ZFHX2: variants seen among roughly 807,000 people sequenced by gnomAD.
The protein encoded by ZFHX2 is zinc finger homeobox 2, also known as zinc finger homeobox protein 2.
Under a neutral mutation model 164.8 loss-of-function variants are expected in ZFHX2, and 75 were observed. That is an observed-to-expected ratio of 0.46 (90% CI 0.38 to 0.55). The LOEUF (loss-of-function observed/expected upper bound fraction) is 0.55, where lower values mean the gene tolerates loss of function less well. ZFHX2 is among the 20% of genes least tolerant of loss of function. The probability of loss-of-function intolerance (pLI) is 0.00; values close to 1 mark genes in which losing one functional copy is unlikely to be tolerated. For synonymous variants in ZFHX2, 1,217 were observed against 1,351.4 expected (o/e 0.90, Z 2.18); for missense variants, 2,933 against 3,308.0 (o/e 0.89, Z 2.78).
chr14:23,538,347 T>G (rs1880418634), intron 1 of ZFHX2, among the ~76,000 whole-genome samples: 1 of 147,494 alleles, frequency 6.8e-6, no homozygotes, highest in South Asian at 2.3e-4. Context: ...CCCTTTCTTC[T>G]CGGAGCTTCT....
Position 23,525,509 on chromosome 14 carries a change from T to C in ZFHX2, c.4433A>G (p.Asp1478Gly). 1.3e-6 allele frequency: 2 copies of C among 1,535,394 alleles called. No homozygotes were observed. Among genetic ancestry groups the C allele is most frequent in the Non-Finnish European group, 1.7e-6 (2 of 1,146,876 alleles). The change falls in exon 9 of 10, where the codon GAC (aspartate) becomes GGC (glycine). Residue 1478 changes from aspartate (D) to glycine (G), a missense_variant. By Grantham distance (94) the Asp-to-Gly change is moderately conservative (BLOSUM62 -1). Coordinates refer to ENST00000419474, the MANE Select transcript of ZFHX2 (RefSeq NM_033400.3). The surrounding 1 kb of genome is among the most constrained non-coding windows in gnomAD (Gnocchi z 5.9). ...CCCACAGGCCCCACAGGCCAGCTTG[T>C]CCCCACCCCCGAGGGCCTCAGGTGG... The part of the protein sequence containing the change: ...PPPPEALGGG[D>G]KLACGACGKL...
At chr14:23,529,686 C>A in intron 6 of ZFHX2, 24 bp downstream of exon 6, 1 of 1,535,218 alleles carries the variant, frequency 6.5e-7, no homozygotes, top group South Asian at 1.2e-5. Context: ...CACTTCAGCT[C>A]TTCCCAGTTA....
chr14:23,553,073 A>G (rs184707156), upstream of ZFHX2, among the ~76,000 whole-genome samples: 356 of 152,374 alleles, frequency 2.3e-3, 1 homozygote, highest in African/African-American at 7.9e-3. Flanking sequence ...AACAGGCCCA[A>G]GGTCCAATGG....
rs1384405222 is a variant in ZFHX2 at position 23,524,851 on chromosome 14, G to T, written c.5091C>A (p.Thr1697=). ...RHLKKCYDDQ[T]LEEEEEEAER... ...CTGCCTCTTCCTCCTCCTCTTCAAG[G>T]GTCTGGTCATCATAGCACTTCTTGA... Residue 1697 remains threonine, a synonymous_variant, in exon 9 of 10, where the codon ACC becomes ACA. Coordinates refer to ENST00000419474, the MANE Select transcript of ZFHX2 (RefSeq NM_033400.3). The surrounding 1 kb of genome is among the most constrained non-coding windows in gnomAD (Gnocchi z 5.6). 2 of 1,536,604 alleles carry T rather than the reference G, an allele frequency of 1.3e-6. No individual in the cohort carries two copies. Among genetic ancestry groups the T allele is most frequent in the Non-Finnish European group, 1.7e-6 (2 of 1,147,014 alleles).
In ZFHX2 at chr14:23,525,648, G is replaced by T. The variant is rs1161461288; in HGVS notation, c.4294C>A (p.Pro1432Thr). ...GCTGCAGTGCGGGCAGCCTCGTTGGGCAATGGGTCGGGGGGTGAGGAAGGC... is the reference window on the plus strand; with the variant it reads ...GCTGCAGTGCGGGCAGCCTCGTTGGTCAATGGGTCGGGGGGTGAGGAAGGC... ...AGPSSPPDPL[P>T]NEAARTAAKA... Residue 1432 changes from proline (P) to threonine (T), a missense_variant, in exon 9 of 10, where the codon CCC becomes ACC. Physicochemically the swap from Pro to Thr is conservative, Grantham distance 38. Transcript: ENST00000419474. The surrounding 1 kb of genome is among the most constrained non-coding windows in gnomAD (Gnocchi z 5.9). 2.0e-6 allele frequency: 3 copies of T among 1,535,810 alleles called. No individual in the cohort carries two copies. Among genetic ancestry groups the T allele is most frequent in the Non-Finnish European group, 2.6e-6 (3 of 1,146,854 alleles).
intron 1 of ZFHX2, among the ~76,000 whole-genome samples, chr14:23,536,829 T>C (rs1880199728): frequency 6.6e-6 from 1 of 152,066 alleles, no homozygotes; most frequent in Non-Finnish European, 1.5e-5. Context: ...AAAATGAGAC[T>C]CCAAAGGACT....
intron 1 of ZFHX2, among the ~76,000 whole-genome samples, chr14:23,536,500 C>T (rs1430106098): frequency 1.3e-5 from 2 of 152,122 alleles, no homozygotes; most frequent in Non-Finnish European, 2.9e-5. Flanking sequence ...AACAGCTAGT[C>T]GGTTGCCTCC....
intron 6 of ZFHX2, chr14:23,528,581 C>T: frequency 2.0e-6 from 2 of 984,840 alleles, no homozygotes; most frequent in Non-Finnish European, 2.4e-6. Context: ...GCTCCCTTGT[C>T]CCTGCCCACT....
At chr14:23,552,048 G>T (rs1882005729), upstream of ZFHX2, among the ~76,000 whole-genome samples, 1 of 152,118 alleles carries the variant, frequency 6.6e-6, no homozygotes, top group Non-Finnish European at 1.5e-5. Context: ...ATCAGCTTCA[G>T]AACAAGCCCT....
Position 23,532,969 on chromosome 14 carries a change from G to C in ZFHX2, c.2157C>G (p.Phe719Leu). ...PPDDSLSLKV[F>L]RCLVCQAFST... ...TGAAGGCCTGGCACACTAGGCAGCG[G>C]AACACCTTCAGGGACAGGCTGTCGT... The change falls in exon 3 of 10, where the codon TTC becomes TTG. Residue 719 changes from phenylalanine to leucine, a missense_variant. Physicochemically the swap from Phe to Leu is conservative, Grantham distance 22. Transcript: ENST00000419474. 2 of 1,536,250 alleles carry C rather than the reference G, an allele frequency of 1.3e-6. No individual in the cohort carries two copies. Among genetic ancestry groups the C allele is most frequent in the Non-Finnish European group, 1.7e-6 (2 of 1,146,926 alleles).
intron 1 of ZFHX2, among the ~76,000 whole-genome samples, chr14:23,548,047 C>G (rs2138917979): frequency 6.6e-6 from 1 of 152,298 alleles, no homozygotes; most frequent in South Asian, 2.1e-4. Context: ...TGAGTTTACA[C>G]TCACACAGCC....
At chr14:23,531,374 C>T (rs2138760611) in intron 4 of ZFHX2, 107 bp downstream of exon 4, 1 of 1,326,666 alleles carries the variant, frequency 7.5e-7, no homozygotes, top group Non-Finnish European at 9.7e-7. Context: ...AGGTGGCCTA[C>T]AGGCCCTCTT....
intron 1 of ZFHX2, among the ~76,000 whole-genome samples, chr14:23,545,179 C>T (rs891152543): frequency 6.6e-6 from 1 of 152,146 alleles, no homozygotes; most frequent in African/African-American, 2.4e-5. Flanking sequence ...AAGGGGAAAC[C>T]AGCAAAGACA....
In ZFHX2 at chr14:23,524,908, A is replaced by G; in HGVS notation, c.5034T>C (p.Thr1678=). 6.5e-7 allele frequency: 1 copy of G among 1,536,276 alleles called. No individual in the cohort carries two copies. Among genetic ancestry groups the G allele is most frequent in the Non-Finnish European group, 8.7e-7 (1 of 1,146,942 alleles). The part of the protein sequence containing the change: ...GASGCRRCHA[T]FSCVFELVRH... ...GCACCAACTCAAAAACACAGGAGAAAGTGGCGTGGCAACGCCTGCAGCCGG... is the reference window on the plus strand; with the variant it reads ...GCACCAACTCAAAAACACAGGAGAAGGTGGCGTGGCAACGCCTGCAGCCGG... The change falls in exon 9 of 10, where the codon ACT becomes ACC. Residue 1678 remains threonine, a synonymous_variant. Coordinates refer to ENST00000419474, the MANE Select transcript of ZFHX2 (RefSeq NM_033400.3). The surrounding 1 kb of genome is among the most constrained non-coding windows in gnomAD (Gnocchi z 5.6).
intron 1 of ZFHX2, among the ~76,000 whole-genome samples, chr14:23,544,706 C>T (rs958105823): frequency 6.6e-6 from 1 of 152,104 alleles, no homozygotes; most frequent in Non-Finnish European, 1.5e-5. Context: ...AGTGTGATCT[C>T]GTTACACTCT....
Position 23,524,992 on chromosome 14 carries a change from T to G in ZFHX2, c.4950A>C (p.Ala1650=). The G allele has an allele frequency of 6.5e-7, 1 of 1,536,216 alleles. No homozygotes were observed. Among genetic ancestry groups the G allele is most frequent in the Non-Finnish European group, 8.7e-7 (1 of 1,146,916 alleles). Reference sequence around the variant, plus strand: ...ACCCACCCTCACAGGCATTTTTGCGTGCTTTCTGGCGGGCATTCTGGAACC... The same window carrying G: ...ACCCACCCTCACAGGCATTTTTGCGGGCTTTCTGGCGGGCATTCTGGAACC... ...VVWFQNARQK[A]RKNACEGGSM... Residue 1650 remains alanine (A), a synonymous_variant, in exon 9 of 10, where the codon GCA becomes GCC. Transcript: ENST00000419474. This position sits in a 1 kb window ranked among gnomAD's most constrained non-coding sequence, Gnocchi z 5.6.
chr14:23,527,607 A>C lies in ZFHX2; in HGVS notation c.3132T>G (p.Leu1044=). 1 of 1,536,652 alleles carries C rather than the reference A, an allele frequency of 6.5e-7. No individual in the cohort carries two copies. The highest frequency in any genetic ancestry group is 8.7e-7 in the Non-Finnish European group (1 of 1,146,994). The part of the protein sequence containing the change: ...VVPECVEKLL[L]VATTVEMTFT... ...TCCTCACCCAGCCTGTACTCACTAC[A>C]AGCAGCAGCTTCTCAACGCACTCGG... Residue 1044 remains leucine, a synonymous_variant, in exon 7 of 10, where the codon CTT becomes CTG. Transcript: ENST00000419474.
chr14:23,526,357 C>G lies in ZFHX2; in HGVS notation c.3585G>C (p.Val1195=). ...TCTTCTGGGTGAAGGACTCCTTACA[C>G]ACAGTGCACTTATAGGGCCGGGCAG... ...LDPARPYKCT[V]CKESFTQKNI... is the part of the protein sequence containing the mutation. The change falls in exon 9 of 10, where the codon GTG becomes GTC. Residue 1195 remains valine (V), a synonymous_variant. Transcript: ENST00000419474. The G allele has an allele frequency of 6.5e-7, 1 of 1,536,358 alleles. No individual in the cohort carries two copies. The highest frequency in any genetic ancestry group is 8.7e-7 in the Non-Finnish European group (1 of 1,146,920).
Position 23,531,535 on chromosome 14 carries a change from G to C in ZFHX2, c.2746C>G (p.Leu916Val). 2.0e-6 allele frequency: 3 copies of C among 1,514,432 alleles called. No individual in the cohort carries two copies. Among genetic ancestry groups the C allele is most frequent in the Non-Finnish European group, 2.6e-6 (3 of 1,133,476 alleles). 93.8% of individuals were successfully genotyped at this position (1,514,432 alleles called of 1,614,324 possible). Reference sequence around the variant, plus strand: ...CTCAGGATGCTCTGAAGAGCTGCGAGTCCTTCCTCAGTGGTTGGGCCATTC... The same window carrying C: ...CTCAGGATGCTCTGAAGAGCTGCGACTCCTTCCTCAGTGGTTGGGCCATTC... ...LQNGPTTEEG[L>V]AALQSILSFS... Residue 916 changes from leucine to valine, a missense_variant, in exon 4 of 10, where the codon CTC becomes GTC. Transcript: ENST00000419474.
Sources: allele counts gnomAD v4.1 joint callset (sites outside exome capture counted in the v4.1 genomes callset), GRCh38; gene constraint gnomAD v4.1.1; non-coding constraint Gnocchi (gnomAD v3.1); transcripts MANE v1.5; gene names NCBI Gene and HGNC (gene_info 2026-07-23, HGNC 2026-07-21).